The following ZMYM2 variants were observed in gnomAD, a reference collection of about 807,000 sequenced individuals.
The protein encoded by ZMYM2 is zinc finger MYM-type protein 2.
ZMYM2 carries 56 observed loss-of-function variants against 162.8 expected under a neutral mutation model. The observed-to-expected ratio is 0.34, with a 90% CI of 0.28 to 0.43. The LOEUF (loss-of-function observed/expected upper bound fraction) is 0.43, where lower values mean the gene tolerates loss of function less well. Among genes scored for constraint, ZMYM2 ranks in the 20% least tolerant of loss-of-function variants. ZMYM2 has a pLI of 1.00. For synonymous variants in ZMYM2, 510 were observed against 541.6 expected (o/e 0.94, Z 0.81); for missense variants, 1,275 against 1,621.8 (o/e 0.79, Z 3.67).
chr13:20,026,455 T>C (rs548387944), intron 7 of ZMYM2, 157 bp from the exon 8 acceptor site: 218 of 619,326 alleles, frequency 3.5e-4, no homozygotes, highest in Middle Eastern at 2.8e-3. Flanking sequence ...TGTTGCATAG[T>C]TAATAGTTTG....
the ZMYM2 span, among the ~76,000 whole-genome samples, chr13:19,931,007 C>A: frequency 2.6e-5 from 4 of 151,258 alleles, no homozygotes; most frequent in Non-Finnish European, 5.9e-5. Context: ...GGCGCGGTGG[C>A]GGGCGCCTGT....
chr13:20,083,603 A>G (rs1267551558), intron 23 of ZMYM2, 53 bp from the exon 24 acceptor site: 4 of 1,363,556 alleles, frequency 2.9e-6, no homozygotes, highest in African/African-American at 1.5e-5. Flanking sequence ...AGTGATGTTT[A>G]TATCTTTCTT....
intron 7 of ZMYM2, among the ~76,000 whole-genome samples, chr13:20,020,787 G>C (rs188638373): frequency 6.6e-6 from 1 of 151,824 alleles, no homozygotes; most frequent in East Asian, 1.9e-4. Flanking sequence ...TAAGTTTGCT[G>C]ATCTTTTAAA....
the ZMYM2 span, among the ~76,000 whole-genome samples, chr13:19,895,514 AG>A: frequency 1.3e-5 from 2 of 151,902 alleles, no homozygotes; most frequent in Admixed American, 1.3e-4. Flanking sequence ...AAGTGTCTCA[AG>A]GTGATGCAGG....
chr13:19,891,141 G>A, the ZMYM2 span, among the ~76,000 whole-genome samples: 1 of 151,876 alleles, frequency 6.6e-6, no homozygotes, highest in African/African-American at 2.4e-5. Flanking sequence ...GGTAATTAAG[G>A]TTAAGTGAAG....
the ZMYM2 span, among the ~76,000 whole-genome samples, chr13:19,905,334 C>T: frequency 3.9e-5 from 6 of 152,008 alleles, no homozygotes; most frequent in Non-Finnish European, 5.9e-5. Context: ...ATTTCTGATG[C>T]TTTGCCATTG....
intron 21 of ZMYM2, chr13:20,070,179 A>C (rs1956975274): frequency 6.4e-6 from 1 of 155,080 alleles, no homozygotes; most frequent in South Asian, 2.0e-4. Flanking sequence ...TTCTTTGCTC[A>C]TCTCTTACCG....
At chr13:19,951,076 T>C in the ZMYM2 span, among the ~76,000 whole-genome samples, 1 of 152,186 alleles carries the variant, frequency 6.6e-6, no homozygotes, top group African/African-American at 2.4e-5. Flanking sequence ...ATTTTATGTG[T>C]GGCCCAAGAC....
Position 20,036,797 on chromosome 13 carries a change from G to A in ZMYM2, c.2180G>A (p.Cys727Tyr). ...ARRLGLRCVT[C>Y]NYCSQLCKKG... ...CGTTTAGGATTGAGATGTGTTACTT[G>A]CAACTATTGTTCTCAGCTATGTAAG... Residue 727 changes from cysteine to tyrosine, a missense_variant, in exon 12 of 25, where the codon TGC (cysteine) becomes TAC (tyrosine). By Grantham distance (194) the Cys-to-Tyr change is radical. Around this residue, in one of 10 missense-constraint regions of ZMYM2, gnomAD observed 177 missense variants for 228.0 expected, o/e 0.78. Transcript: ENST00000610343. 1 of 1,604,624 alleles carries A rather than the reference G, an allele frequency of 6.2e-7. No homozygotes were observed.
chr13:20,084,492 T>C (rs1958118397), intron 24 of ZMYM2, among the ~76,000 whole-genome samples: 1 of 152,238 alleles, frequency 6.6e-6, no homozygotes, highest in African/African-American at 2.4e-5. Context: ...GGCATGTGGC[T>C]GTGTTATAAT....
intron 12 of ZMYM2, among the ~76,000 whole-genome samples, chr13:20,039,036 G>A (rs1006422495): frequency 6.6e-6 from 1 of 151,922 alleles, no homozygotes; most frequent in Admixed American, 6.6e-5. Flanking sequence ...TCTTTTTGTG[G>A]CAATTTTCAA....
At chr13:19,904,629 C>T in the ZMYM2 span, among the ~76,000 whole-genome samples, 4 of 152,064 alleles carry the variant, frequency 2.6e-5, no homozygotes, top group African/African-American at 9.7e-5. Flanking sequence ...GGTATAGCAA[C>T]ATTTGTAAAA....
At chr13:19,930,730 G>T in the ZMYM2 span, among the ~76,000 whole-genome samples, 1 of 151,382 alleles carries the variant, frequency 6.6e-6, no homozygotes, top group Non-Finnish European at 1.5e-5. Flanking sequence ...AGTAGAGATG[G>T]GGTTTTCCAT....
intron 21 of ZMYM2, among the ~76,000 whole-genome samples, chr13:20,080,071 T>G (rs1428177119): frequency 1.3e-5 from 2 of 152,200 alleles, no homozygotes; most frequent in African/African-American, 4.8e-5. Flanking sequence ...GATGTTATAT[T>G]TTAAGCAATC....
At chr13:19,872,669 C>A in the ZMYM2 span, among the ~76,000 whole-genome samples, 6 of 152,182 alleles carry the variant, frequency 3.9e-5, no homozygotes, top group African/African-American at 1.2e-4. Context: ...CATTCAGATT[C>A]TCTGATTGCT....
the ZMYM2 span, among the ~76,000 whole-genome samples, chr13:19,942,798 T>C: frequency 3.4e-4 from 52 of 152,330 alleles, no homozygotes; most frequent in African/African-American, 1.2e-3. Context: ...GGACAGGTTT[T>C]ATTACCCCCC....
chr13:19,880,920 G>A, the ZMYM2 span, among the ~76,000 whole-genome samples: 2 of 149,954 alleles, frequency 1.3e-5, no homozygotes, highest in Non-Finnish European at 1.5e-5. Flanking sequence ...AGACAGTCTC[G>A]CTTCATTACC....
chr13:19,957,797 G>A (rs1954645896), upstream of ZMYM2, among the ~76,000 whole-genome samples: 1 of 152,212 alleles, frequency 6.6e-6, no homozygotes, highest in Non-Finnish European at 1.5e-5. Context: ...CCAACCGGTG[G>A]GAGCCCAGCT....
chr13:20,051,165 T>G (rs1397428533), intron 12 of ZMYM2, among the ~76,000 whole-genome samples: 1 of 151,648 alleles, frequency 6.6e-6, no homozygotes, highest in Non-Finnish European at 1.5e-5. Context: ...TCATTTGGTC[T>G]ACCAATATAT....
Sources: allele counts gnomAD v4.1 joint callset (sites outside exome capture counted in the v4.1 genomes callset), GRCh38; gene constraint gnomAD v4.1.1; regional missense constraint gnomAD v4.1.1; transcripts MANE v1.5; gene names NCBI Gene and HGNC (gene_info 2026-07-23, HGNC 2026-07-21).